The following PLPPR1 variants were observed in gnomAD, a reference collection of about 807,000 sequenced individuals.
PLPPR1 encodes phospholipid phosphatase-related protein type 1.
A neutral mutation model predicts 33.1 loss-of-function variants in PLPPR1; 10 were observed. The observed-to-expected ratio is 0.30, with a 90% CI of 0.19 to 0.51. PLPPR1 has a LOEUF of 0.51. PLPPR1 is among the 20% of genes least tolerant of loss of function. PLPPR1 has a pLI of 0.97. For synonymous variants in PLPPR1, 151 were observed against 151.0 expected (o/e 1.00, Z 0.00); for missense variants, 304 against 408.1 (o/e 0.74, Z 2.20).
intron 7 of PLPPR1, among the ~76,000 whole-genome samples, chr9:101,323,293 G>A (rs995585116): frequency 3.3e-5 from 5 of 151,936 alleles, no homozygotes; most frequent in Non-Finnish European, 5.9e-5. Flanking sequence ...CCAGGAGTTC[G>A]AGACCAGCCT....
chr9:101,220,171 C>T (rs1229622833), intron 2 of PLPPR1, among the ~76,000 whole-genome samples: 38 of 152,112 alleles, frequency 2.5e-4, no homozygotes, highest in Non-Finnish European at 1.9e-4. Context: ...TGTAACAACC[C>T]AAAATGTCTC....
chr9:101,226,507 A>T (rs546656103), intron 2 of PLPPR1, among the ~76,000 whole-genome samples: 24 of 152,282 alleles, frequency 1.6e-4, no homozygotes, highest in African/African-American at 5.8e-4. Flanking sequence ...GTCCAAGATC[A>T]AGGCATTGAT....
At chr9:101,206,328 C>T (rs1177054740) in intron 2 of PLPPR1, among the ~76,000 whole-genome samples, 1 of 152,226 alleles carries the variant, frequency 6.6e-6, no homozygotes, top group African/African-American at 2.4e-5. Context: ...TTCATACTCT[C>T]AACCTGATGG....
intron 1 of PLPPR1, among the ~76,000 whole-genome samples, chr9:101,054,417 A>G (rs1830259226): frequency 6.6e-6 from 1 of 152,022 alleles, no homozygotes; most frequent in East Asian, 1.9e-4. Context: ...ACGACCTTTG[A>G]CCTGAATCAA....
intron 2 of PLPPR1, among the ~76,000 whole-genome samples, chr9:101,256,543 T>C (rs1042448600): frequency 6.6e-6 from 1 of 152,082 alleles, no homozygotes; most frequent in African/African-American, 2.4e-5. Flanking sequence ...AACCCAGAGA[T>C]CCAAAAGGGA....
chr9:101,183,256 T>G (rs1026498954), intron 1 of PLPPR1, among the ~76,000 whole-genome samples: 2 of 151,846 alleles, frequency 1.3e-5, no homozygotes, highest in South Asian at 2.1e-4. Context: ...AGCCAAAAAT[T>G]CAAAACAATC....
chr9:101,299,416 G>A (rs1428029923), intron 4 of PLPPR1, among the ~76,000 whole-genome samples: 1 of 152,300 alleles, frequency 6.6e-6, no homozygotes, highest in South Asian at 2.1e-4. Flanking sequence ...TAGCCAGGGA[G>A]CAACCTTTGC....
chr9:101,086,653 A>T (rs1367010739), intron 1 of PLPPR1, among the ~76,000 whole-genome samples: 2 of 152,214 alleles, frequency 1.3e-5, no homozygotes, highest in African/African-American at 4.8e-5. Flanking sequence ...CTAGTATCAG[A>T]GGTTTCAGTC....
At chr9:101,052,060 A>G (rs1325509301) in intron 1 of PLPPR1, among the ~76,000 whole-genome samples, 1 of 152,208 alleles carries the variant, frequency 6.6e-6, no homozygotes, top group Admixed American at 6.5e-5. Flanking sequence ...TAGGCATAAT[A>G]TTTAACCTTT....
chr9:101,089,387 T>C (rs1206518623), intron 1 of PLPPR1, among the ~76,000 whole-genome samples: 2 of 152,174 alleles, frequency 1.3e-5, no homozygotes, highest in African/African-American at 4.8e-5. Context: ...TAATTAAATA[T>C]ATTTTGAAAA....
At chr9:101,041,907 A>G (rs1049541207) in intron 1 of PLPPR1, among the ~76,000 whole-genome samples, 2 of 152,216 alleles carry the variant, frequency 1.3e-5, no homozygotes. Flanking sequence ...TTGAAAAGAA[A>G]TGTAAAATTC....
chr9:101,114,128 T>G (rs575544395), intron 1 of PLPPR1, among the ~76,000 whole-genome samples: 1 of 152,338 alleles, frequency 6.6e-6, no homozygotes, highest in South Asian at 2.1e-4. Flanking sequence ...ATGAGGCCAA[T>G]CTGAGGCTAA....
intron 2 of PLPPR1, among the ~76,000 whole-genome samples, chr9:101,214,158 C>T (rs1826740626): frequency 6.6e-6 from 1 of 152,122 alleles, no homozygotes; most frequent in Admixed American, 6.5e-5. Flanking sequence ...GACTGAAGGA[C>T]TGAGGATTAG....
At chr9:101,102,902 A>G (rs1366151144) in intron 1 of PLPPR1, among the ~76,000 whole-genome samples, 2 of 64,280 alleles carry the variant, frequency 3.1e-5, no homozygotes, top group African/African-American at 1.4e-4. Context: ...GCCAGTGATG[A>G]TGAGCATTTT....
chr9:101,167,975 G>A (rs746223631), intron 1 of PLPPR1, among the ~76,000 whole-genome samples: 3 of 152,160 alleles, frequency 2.0e-5, no homozygotes, highest in Non-Finnish European at 2.9e-5. Flanking sequence ...AGGTAAGAGA[G>A]CTTGTGTAGG....
chr9:101,315,634 T>C (rs1829037473), intron 6 of PLPPR1, among the ~76,000 whole-genome samples: 2 of 152,222 alleles, frequency 1.3e-5, no homozygotes, highest in Non-Finnish European at 2.9e-5. Flanking sequence ...TGCCTACAAA[T>C]GGCCTTTACG....
At chr9:101,206,491 C>A (rs2118758245) in intron 2 of PLPPR1, among the ~76,000 whole-genome samples, 1 of 152,264 alleles carries the variant, frequency 6.6e-6, no homozygotes, top group South Asian at 2.1e-4. Flanking sequence ...TCTGAGCTCT[C>A]TGCTTGCTGT....
chr9:101,081,004 T>C (rs553864045), intron 1 of PLPPR1, among the ~76,000 whole-genome samples: 2 of 152,120 alleles, frequency 1.3e-5, no homozygotes, highest in Admixed American at 1.3e-4. Flanking sequence ...TAGAACAGAT[T>C]GTTTCTTGCC....
At chr9:101,131,958 A>G (rs1241318909) in intron 1 of PLPPR1, among the ~76,000 whole-genome samples, 7 of 152,224 alleles carry the variant, frequency 4.6e-5, no homozygotes, top group Admixed American at 4.6e-4. Flanking sequence ...CAGCACTGAT[A>G]TGAGTTGAAA....
Sources: allele counts gnomAD v4.1 joint callset (sites outside exome capture counted in the v4.1 genomes callset), GRCh38; gene constraint gnomAD v4.1.1; transcripts MANE v1.5; gene names NCBI Gene and HGNC (gene_info 2026-07-23, HGNC 2026-07-21).